MYO1G: variants seen among roughly 807,000 people sequenced by gnomAD.
MYO1G encodes unconventional myosin-Ig.
Under a neutral mutation model 115.3 loss-of-function variants are expected in MYO1G, and 65 were observed. That is an observed-to-expected ratio of 0.56 (90% CI 0.46 to 0.69). The LOEUF is 0.69. Among genes scored for constraint, MYO1G ranks in the 30% least tolerant of loss-of-function variants. The pLI is 0.00. For missense variants in MYO1G, 1,204 were observed against 1,393.5 expected, an observed-to-expected ratio of 0.86 and a Z score of 2.16; for synonymous variants, 510 against 552.6, an observed-to-expected ratio of 0.92 and a Z score of 1.08.
In MYO1G at chr7:44,972,143, C is replaced by G. The variant is rs1193038507; in HGVS notation, c.701G>C (p.Gly234Ala). The G allele has an allele frequency of 6.2e-7, 1 of 1,614,076 alleles. No homozygotes were observed. The highest frequency in any genetic ancestry group is 1.7e-5 in the Admixed American group (1 of 60,012). Residue 234 changes from glycine to alanine, a missense_variant, in exon 6 of 22, where the codon GGA becomes GCA. Physicochemically the swap from Gly to Ala is moderately conservative, Grantham distance 60. Transcript: ENST00000258787. ...GTGCACAGTCATGTTGAGTCCTGCT[C>G]CCTGGTGTGTGAAATTGTATACAGC... ...NPAVYNFTHQGAGLNMTVHSA... is the reference protein window; with the variant it reads ...NPAVYNFTHQAAGLNMTVHSA...
chr7:44,975,983 G>A (rs1269890488), intron 3 of MYO1G, among the ~76,000 whole-genome samples: 1 of 152,204 alleles, frequency 6.6e-6, no homozygotes, highest in African/African-American at 2.4e-5. Flanking sequence ...TGACCACTGG[G>A]CTTTAGACCT....
intron 6 of MYO1G, 106 bp downstream of exon 6, chr7:44,972,009 C>A: frequency 1.1e-6 from 1 of 947,932 alleles, no homozygotes; most frequent in Non-Finnish European, 1.7e-6. Flanking sequence ...CTCACGCAAA[C>A]AGTTCACTTC....
intron 5 of MYO1G, 169 bp downstream of exon 5, chr7:44,975,005 G>T (rs1583795297): frequency 1.4e-6 from 1 of 723,906 alleles, no homozygotes; most frequent in East Asian, 2.5e-5. Flanking sequence ...GGGGTGTGGG[G>T]TACTGGTTGG....
Position 44,969,242 on chromosome 7 carries a change from T to C in MYO1G, c.1574+171A>G, listed in dbSNP as rs538140476. On this transcript the variant is annotated intron_variant, in intron 12 of 21. Transcript: ENST00000258787. The surrounding 1 kb of genome is among the most constrained non-coding windows in gnomAD (Gnocchi z 5.0). ...TATCCTCAAACCCTGTTTCCTGCTC[T>C]TCACTTGTGAATCTGCTGTCCGGCA... 842 of 682,386 alleles carry C rather than the reference T, an allele frequency of 1.2e-3. 7 individuals carry two copies. In the African/African-American group the frequency reaches 0.013, roughly 10 times the overall value. The allele number at this position is 682,386 out of a possible 1,614,324, so 42.3% of individuals were successfully genotyped here.
chr7:44,969,297 G>T lies in MYO1G; in HGVS notation c.1574+116C>A. ...TCAGTGTCTTAAAGGGGTGGGGGTG[G>T]CAGAAGTGGCCATAACACCTGTCTC... On this transcript the variant is annotated intron_variant, in intron 12 of 21. Transcript: ENST00000258787. This position sits in a 1 kb window ranked among gnomAD's most constrained non-coding sequence, Gnocchi z 5.0. The T allele has an allele frequency of 1.1e-6, 1 of 891,668 alleles. No individual in the cohort carries two copies. The highest frequency in any genetic ancestry group is 2.4e-5 in the East Asian group (1 of 41,276). 55.2% of individuals were successfully genotyped at this position (891,668 alleles called of 1,614,324 possible).
intron 16 of MYO1G, 86 bp from the exon 17 acceptor site, chr7:44,965,946 T>G: frequency 6.5e-7 from 1 of 1,541,128 alleles, no homozygotes; most frequent in Admixed American, 1.7e-5. Context: ...GAGCATTTAT[T>G]GAGCACTCCC....
chr7:44,975,021 G>A (rs1349617713), intron 5 of MYO1G, 153 bp downstream of exon 5: 5 of 772,312 alleles, frequency 6.5e-6, no homozygotes, highest in Admixed American at 5.3e-5. Context: ...GTTGGGGTGA[G>A]TGTGGTGGGG....
In MYO1G at chr7:44,965,050, T is replaced by C. The variant is rs757974552; in HGVS notation, c.2421A>G (p.Ser807=). 2.5e-6 allele frequency: 4 copies of C among 1,610,526 alleles called. No homozygotes were observed. The African/African-American group carries it at 5.3e-5, about 22-fold the overall frequency. Residue 807 remains serine, a synonymous_variant, in exon 18 of 22, where the codon TCA becomes TCG. Coordinates refer to ENST00000258787, the MANE Select transcript of MYO1G (RefSeq NM_033054.3). ...ARQLVKNIPP[S]DMPQIKAKVA... Reference sequence around the variant, plus strand: ...CCTTGGCCTTGATCTGGGGCATGTCTGAAGGGGGGATGTTCTTCACCAGCT... The same window carrying C: ...CCTTGGCCTTGATCTGGGGCATGTCCGAAGGGGGGATGTTCTTCACCAGCT...
chr7:44,972,056 A>T, intron 6 of MYO1G, 59 bp downstream of exon 6: 2 of 1,337,746 alleles, frequency 1.5e-6, no homozygotes, highest in South Asian at 1.2e-5. Flanking sequence ...ATTCCCTACC[A>T]CCACACTCAG....
rs1794768505 is a variant in MYO1G at position 44,962,724 on chromosome 7, G to A, written c.*15C>T. ...CGGACAATTGGCGGCCTCGGGGTGC[G>A]GCGGGTGCGGGCGCTCAGCGGCTGG... On this transcript the variant is annotated 3_prime_UTR_variant, in exon 22 of 22. Coordinates refer to ENST00000258787, the MANE Select transcript of MYO1G (RefSeq NM_033054.3). The surrounding 1 kb of genome is among the most constrained non-coding windows in gnomAD (Gnocchi z 5.3). 2 of 1,453,272 alleles carry A rather than the reference G, an allele frequency of 1.4e-6. No individual in the cohort carries two copies. The highest frequency in any genetic ancestry group is 2.7e-5 in the East Asian group (1 of 36,878). The allele number at this position is 1,453,272 out of a possible 1,614,324, so 90.0% of individuals were successfully genotyped here. A position where few individuals can be genotyped will look rare whatever the true frequency, so the allele number is the denominator to read the frequency against.
At position 44,966,105 on chromosome 7, in the gene MYO1G, G is replaced by A. The variant is rs761781014; in HGVS notation, c.2125C>T (p.Leu709Phe). Residue 709 changes from leucine to phenylalanine, a missense_variant, in exon 16 of 22, where the codon CTC (leucine) becomes TTC (phenylalanine). Coordinates refer to ENST00000258787, the MANE Select transcript of MYO1G (RefSeq NM_033054.3). This position sits in a 1 kb window ranked among gnomAD's most constrained non-coding sequence, Gnocchi z 5.0. ...AATAGCAGCACAATGATGGGGATGA[G>A]GCGGGCTCGGCTCTGCTCCAGTGTG... Reference protein sequence around the residue: ...LVTLEQSRARLIPIIVLLLQK... With the variant: ...LVTLEQSRARFIPIIVLLLQK... 1.7e-5 allele frequency: 27 copies of A among 1,612,738 alleles called. No individual in the cohort carries two copies. Among genetic ancestry groups the A allele is most frequent in the Non-Finnish European group, 1.9e-5 (23 of 1,179,984 alleles).
Position 44,978,943 on chromosome 7 carries a change from G to C in MYO1G, c.19C>G (p.Pro7Ala). The C allele has an allele frequency of 6.2e-7, 1 of 1,614,140 alleles. No homozygotes were observed. The highest frequency in any genetic ancestry group is 8.5e-7 in the Non-Finnish European group (1 of 1,179,992). ...ACAAAGTCAGGTTTGCCATACTCAG[G>C]GCCTTCCTCGTCCTCCATCCTGCCG... MEDEEG[P>A]EYGKPDFVLL... Residue 7 changes from proline (P) to alanine (A), a missense_variant, in exon 1 of 22, where the codon CCT becomes GCT. Pro to Ala is a conservative substitution (Grantham distance 27). Transcript: ENST00000258787.
Position 44,963,164 on chromosome 7 carries a change from C to T in MYO1G, c.2746-40G>A, listed in dbSNP as rs561875096. On this transcript the variant is annotated intron_variant, in intron 20 of 21. Coordinates refer to ENST00000258787, the MANE Select transcript of MYO1G (RefSeq NM_033054.3). This position sits in a 1 kb window ranked among gnomAD's most constrained non-coding sequence, Gnocchi z 4.1. ...GGGTCAGAGTGCAGCCGCCTCAACCCGCACCCCAGCCTAGCCGGACTCACC... is the reference window on the plus strand; with the variant it reads ...GGGTCAGAGTGCAGCCGCCTCAACCTGCACCCCAGCCTAGCCGGACTCACC... 6.5e-4 allele frequency: 902 copies of T among 1,396,132 alleles called. 6 individuals are homozygous for T. In the African/African-American group the frequency reaches 0.012, roughly 19 times the overall value. The allele number at this position is 1,396,132 out of a possible 1,614,324, so 86.5% of individuals were successfully genotyped here.
Position 44,970,128 on chromosome 7 carries a change from C to A in MYO1G, c.1244G>T (p.Cys415Phe). The change falls in exon 10 of 22, where the codon TGC becomes TTC. Residue 415 changes from cysteine to phenylalanine, a missense_variant. Cys to Phe is a radical substitution (Grantham distance 205). Transcript: ENST00000258787. Reference protein sequence around the residue: ...NSFEQFCINYCNEKLQQLFIQ... With the variant: ...NSFEQFCINYFNEKLQQLFIQ... ...GAATAGCTGCTGCAGCTTCTCGTTG[C>A]AGTAGTTGATGCAGAACTGCTCGAA... is the stretch of plus-strand genomic sequence containing the variant. 1 of 1,613,956 alleles carries A rather than the reference C, an allele frequency of 6.2e-7. No homozygotes were observed. The highest frequency in any genetic ancestry group is 8.5e-7 in the Non-Finnish European group (1 of 1,179,956).
In MYO1G at chr7:44,963,240, G is replaced by A. The variant is rs993305372; in HGVS notation, c.2746-116C>T. The A allele has an allele frequency of 8.7e-6, 11 of 1,265,574 alleles. No homozygotes were observed. The highest frequency in any genetic ancestry group is 1.6e-5 in the African/African-American group (1 of 62,886). The allele number at this position is 1,265,574 out of a possible 1,614,324, so 78.4% of individuals were successfully genotyped here. On this transcript the variant is annotated intron_variant, in intron 20 of 21. Transcript: ENST00000258787. The surrounding 1 kb of genome is among the most constrained non-coding windows in gnomAD (Gnocchi z 4.1). ...CCCCCAACCGCACCCGGGGAGCGCC[G>A]CCCTCGCCAGGGCCACCAGCCCCCC...
Position 44,963,137 on chromosome 7 carries a change from CG to C in MYO1G, c.2746-14del, listed in dbSNP as rs758136726. 2.2e-5 allele frequency: 31 copies of C among 1,441,580 alleles called. No individual in the cohort carries two copies. The highest frequency in any genetic ancestry group is 2.7e-5 in the Non-Finnish European group (30 of 1,101,580). The allele number at this position is 1,441,580 out of a possible 1,614,324, so 89.3% of individuals were successfully genotyped here. A position where few individuals can be genotyped will look rare whatever the true frequency, so the allele number is the denominator to read the frequency against. ...TCAGCCCCGTCACCTGAGCGGAGCGCGGGGTCAGAGTGCAGCCGCCTCAACC... is the reference window on the plus strand; with the variant it reads ...TCAGCCCCGTCACCTGAGCGGAGCGCGGGTCAGAGTGCAGCCGCCTCAACC... On this transcript the variant is annotated splice_polypyrimidine_tract_variant and intron_variant, in intron 20 of 21. Coordinates refer to ENST00000258787, the MANE Select transcript of MYO1G (RefSeq NM_033054.3). The surrounding 1 kb of genome is among the most constrained non-coding windows in gnomAD (Gnocchi z 4.1).
Position 44,965,561 on chromosome 7 carries a change from G to A in MYO1G, c.2381+76C>T, listed in dbSNP as rs1040318956. Reference sequence around the variant, plus strand: ...CTGGTGTATCTCCCATCCAGGCACTGCAGGCCCGGGATGATGGGTTAAGGT... The same window carrying A: ...CTGGTGTATCTCCCATCCAGGCACTACAGGCCCGGGATGATGGGTTAAGGT... On this transcript the variant is annotated intron_variant, in intron 17 of 21. Coordinates refer to ENST00000258787, the MANE Select transcript of MYO1G (RefSeq NM_033054.3). 3.5e-6 allele frequency: 5 copies of A among 1,415,320 alleles called. No homozygotes were observed. The African/African-American group carries it at 7.0e-5, about 20-fold the overall frequency. The allele number at this position is 1,415,320 out of a possible 1,614,324, so 87.7% of individuals were successfully genotyped here.
chr7:44,965,513 C>T (rs906400683), intron 17 of MYO1G, 124 bp downstream of exon 17: 11 of 907,484 alleles, frequency 1.2e-5, no homozygotes, highest in Non-Finnish European at 1.7e-5. Flanking sequence ...GCATAGCATC[C>T]ACCTTCCCAC....
chr7:44,971,056 T>C lies in MYO1G; in HGVS notation c.850A>G (p.Asn284Asp), dbSNP rs1794949874. ...RILAAILHLGNIEFVETEEGG... is the reference protein window; with the variant it reads ...RILAAILHLGDIEFVETEEGG... ...TCCTCCGTCTCCACAAACTCGATGT[T>C]TCCCTGGTGATGGGAAAACCATGAA... Residue 284 changes from asparagine (N) to aspartate (D), a missense_variant, in exon 8 of 22, where the codon AAC (asparagine) becomes GAC (aspartate). By Grantham distance (23) the Asn-to-Asp change is conservative. Transcript: ENST00000258787. 6.2e-7 allele frequency: 1 copy of C among 1,609,072 alleles called. No individual in the cohort carries two copies. The highest frequency in any genetic ancestry group is 8.5e-7 in the Non-Finnish European group (1 of 1,178,306).
Sources: gnomAD v4.1 joint callset for allele counts (sites outside exome capture counted in the v4.1 genomes callset) on GRCh38, gnomAD v4.1.1 for gene constraint, Gnocchi (gnomAD v3.1) non-coding constraint, MANE v1.5 for transcripts, NCBI Gene and HGNC (gene_info 2026-07-23, HGNC 2026-07-21) for gene names.